The following DEAF1 variants were observed in gnomAD, a reference collection of about 807,000 sequenced individuals.
DEAF1 encodes the protein DEAF1 transcription factor.
In DEAF1, 53 loss-of-function variants were observed where a neutral mutation model predicts 58.9. The ratio of observed to expected loss-of-function variants is 0.90; its 90% CI spans 0.72 to 1.13. The LOEUF is 1.13. Among genes scored for constraint, DEAF1 ranks in the 50% most tolerant of loss-of-function variants. The pLI is 0.00. For synonymous variants in DEAF1, 385 were observed against 340.4 expected (o/e 1.13, Z -1.44); for missense variants, 685 against 791.4 (o/e 0.87, Z 1.61).
chr11:644,735 A>G lies in DEAF1; in HGVS notation c.1594-81T>C. 8.8e-7 allele frequency: 1 copy of G among 1,135,416 alleles called. No individual in the cohort carries two copies. The highest frequency in any genetic ancestry group is 1.3e-6 in the Non-Finnish European group (1 of 778,458). 70.3% of individuals were successfully genotyped at this position (1,135,416 alleles called of 1,614,324 possible). A position where few individuals can be genotyped will look rare whatever the true frequency, so the allele number is the denominator to read the frequency against. On this transcript the variant is annotated intron_variant, in intron 11 of 11. Coordinates refer to ENST00000382409, the MANE Select transcript of DEAF1 (RefSeq NM_021008.4). This position sits in a 1 kb window ranked among gnomAD's most constrained non-coding sequence, Gnocchi z 4.3. ...GCAGGGTCCCCAAGGCAGACCCCAG[A>G]GGGTGCAGCCCTCTGTAACCTCACC... is the stretch of plus-strand genomic sequence containing the variant.
At chr11:698,124 C>T (rs1248701445), upstream of DEAF1, 3 of 152,472 alleles carry the variant, frequency 2.0e-5, no homozygotes, top group Admixed American at 2.0e-4. Context: ...GAGGTATCTA[C>T]ACATGGAGGG....
intron 10 of DEAF1, among the ~76,000 whole-genome samples, chr11:665,311 G>A (rs1859476079): frequency 6.6e-6 from 1 of 151,868 alleles, no homozygotes; most frequent in African/African-American, 2.4e-5. Flanking sequence ...ACACTGAGAG[G>A]AGGAGGACAG....
At chr11:672,187 T>C (rs1282323220) in intron 10 of DEAF1, among the ~76,000 whole-genome samples, 1 of 152,198 alleles carries the variant, frequency 6.6e-6, no homozygotes, top group Non-Finnish European at 1.5e-5. Flanking sequence ...CACTGTTTGT[T>C]ATGTGCTTGT....
chr11:704,045 ATGTT>A, intron 1 of DEAF1: 4 of 1,166,206 alleles, frequency 3.4e-6, no homozygotes, highest in Non-Finnish European at 4.2e-6. Flanking sequence ...TGTGTTTTCT[ATGTT>A]TGGAATAATT....
chr11:672,506 A>G (rs1351270340), intron 10 of DEAF1, among the ~76,000 whole-genome samples: 4 of 152,236 alleles, frequency 2.6e-5, no homozygotes, highest in Non-Finnish European at 4.4e-5. Flanking sequence ...AGTAGAATCT[A>G]TAACAAGTAC....
At chr11:660,838 G>A (rs146013770) in intron 10 of DEAF1, among the ~76,000 whole-genome samples, 1 of 152,314 alleles carries the variant, frequency 6.6e-6, no homozygotes, top group Non-Finnish European at 1.5e-5. Context: ...TCAAGGAAAT[G>A]TCACTGAAAC....
intron 11 of DEAF1, among the ~76,000 whole-genome samples, chr11:649,742 G>C: frequency 6.6e-6 from 1 of 151,046 alleles, no homozygotes; most frequent in Non-Finnish European, 1.5e-5. Flanking sequence ...AAAACAGGCC[G>C]AGTTCCAGTG....
intron 10 of DEAF1, among the ~76,000 whole-genome samples, chr11:666,888 A>AG (rs974020260): frequency 6.6e-6 from 1 of 151,480 alleles, no homozygotes; most frequent in Non-Finnish European, 1.5e-5. Flanking sequence ...AAAAAAAAAA[A>AG]AAAAAAAAAG....
intron 8 of DEAF1, 22 bp downstream of exon 8, chr11:679,666 G>A (rs755377474): frequency 1.2e-6 from 2 of 1,609,516 alleles, no homozygotes; most frequent in Non-Finnish European, 1.7e-6. Flanking sequence ...GGACGCGTCA[G>A]GCAGGCACTG....
chr11:670,533 G>A (rs1176657098), intron 10 of DEAF1, among the ~76,000 whole-genome samples: 2 of 151,424 alleles, frequency 1.3e-5, no homozygotes, highest in Non-Finnish European at 2.9e-5. Context: ...TCGCCAACAT[G>A]GCGAAACCTC....
At chr11:671,054 A>G (rs1405559059) in intron 10 of DEAF1, among the ~76,000 whole-genome samples, 1 of 148,524 alleles carries the variant, frequency 6.7e-6, no homozygotes, top group Non-Finnish European at 1.5e-5. Flanking sequence ...TCAGCCTCCC[A>G]AGGAGCTGGG....
intron 10 of DEAF1, among the ~76,000 whole-genome samples, chr11:672,767 G>C (rs890783482): frequency 2.6e-5 from 4 of 152,074 alleles, no homozygotes; most frequent in African/African-American, 9.7e-5. Context: ...AGAATCACTT[G>C]AACCCGGGAG....
At chr11:703,413 C>T (rs555494052) in intron 1 of DEAF1, 11 of 1,328,572 alleles carry the variant, frequency 8.3e-6, no homozygotes, top group East Asian at 2.9e-5. Context: ...CCCAGGAGCG[C>T]ACACTCAGCC....
chr11:653,498 C>T (rs1044983585), intron 11 of DEAF1, among the ~76,000 whole-genome samples: 2 of 135,536 alleles, frequency 1.5e-5, no homozygotes, highest in Non-Finnish European at 3.1e-5. Context: ...GTCTCTCTCG[C>T]GTGGCTCTGC....
At chr11:704,923 G>A (rs1019783942) in intron 1 of DEAF1, 5 of 349,676 alleles carry the variant, frequency 1.4e-5, no homozygotes, top group South Asian at 4.3e-5. Context: ...CGGGTGCACC[G>A]AGGGGTTGGC....
At chr11:649,794 G>A (rs931072889) in intron 11 of DEAF1, among the ~76,000 whole-genome samples, 9 of 152,104 alleles carry the variant, frequency 5.9e-5, no homozygotes, top group African/African-American at 2.2e-4. Context: ...GGGAGGCTGA[G>A]GCGAGTGGAT....
Position 688,708 on chromosome 11 carries a change from G to T in DEAF1, c.388-248C>A, listed in dbSNP as rs1343608620. On this transcript the variant is annotated intron_variant, in intron 2 of 11. Coordinates refer to ENST00000382409, the MANE Select transcript of DEAF1 (RefSeq NM_021008.4). This position sits in a 1 kb window ranked among gnomAD's most constrained non-coding sequence, Gnocchi z 4.3. The stretch of plus-strand genomic sequence containing the variant: ...AATGCTTGCCATCATTTGTCAAAGG[G>T]AAGGAAGAAAGGTGCTCCACAAACA... Among the ~76,000 whole-genome samples the T allele has an allele frequency of 6.6e-6, 1 of 152,138 alleles. No individual in the cohort carries two copies. Among genetic ancestry groups the T allele is most frequent in the East Asian group, 1.9e-4 (1 of 5,202 alleles).
intron 11 of DEAF1, among the ~76,000 whole-genome samples, chr11:646,818 G>GA (rs1264756893): frequency 1.3e-5 from 2 of 151,904 alleles, no homozygotes; most frequent in South Asian, 2.1e-4. Context: ...TTGAAAAACG[G>GA]AAAAAAATGG....
intron 1 of DEAF1, chr11:704,357 A>G (rs1301731086): frequency 4.1e-6 from 4 of 981,186 alleles, no homozygotes; most frequent in Non-Finnish European, 5.6e-6. Context: ...GCACCTGGAC[A>G]GTCTTTCCTG....
Sources: allele counts gnomAD v4.1 joint callset (sites outside exome capture counted in the v4.1 genomes callset), GRCh38; gene constraint gnomAD v4.1.1; non-coding constraint Gnocchi (gnomAD v3.1); transcripts MANE v1.5; gene names NCBI Gene and HGNC (gene_info 2026-07-23, HGNC 2026-07-21).